The following AUTS2 variants were observed in gnomAD, a reference collection of about 807,000 sequenced individuals.
AUTS2 encodes the protein autism susceptibility gene 2 protein.
In AUTS2, 17 loss-of-function variants were observed where a neutral mutation model predicts 112.4. The ratio of observed to expected loss-of-function variants is 0.15; its 90% confidence interval spans 0.10 to 0.23. The LOEUF is 0.23. Among genes scored for constraint, AUTS2 ranks in the 10% least tolerant of loss-of-function variants. AUTS2 has a pLI of 1.00. For synonymous variants in AUTS2, 751 were observed against 702.7 expected, an observed-to-expected ratio of 1.07 and a Z score of -1.09; for missense variants, 1,510 against 1,701.6, an observed-to-expected ratio of 0.89 and a Z score of 1.98.
At chr7:70,343,249 C>A (rs1386752072) in intron 4 of AUTS2, among the ~76,000 whole-genome samples, 1 of 152,180 alleles carries the variant, frequency 6.6e-6, no homozygotes, top group Non-Finnish European at 1.5e-5. Context: ...AAGTTAACAA[C>A]CTGGACAGAC....
intron 5 of AUTS2, among the ~76,000 whole-genome samples, chr7:70,488,456 TTCTTTTTGGCATTTTC>T (rs1798105232): frequency 6.6e-6 from 1 of 152,124 alleles, no homozygotes; most frequent in African/African-American, 2.4e-5. Flanking sequence ...CATTTTCTGT[TTCTTTTTGGCATTTTC>T]TGTTTCTTTT....
chr7:70,037,453 A>G (rs1037991881), intron 2 of AUTS2, among the ~76,000 whole-genome samples: 2 of 152,340 alleles, frequency 1.3e-5, no homozygotes, highest in Admixed American at 1.3e-4. Context: ...GTTTTCCTAT[A>G]GTAACCTTTT....
At chr7:70,301,967 G>A (rs73434812) in intron 4 of AUTS2, among the ~76,000 whole-genome samples, 2,557 of 151,520 alleles carry the variant, frequency 0.017, 78 homozygotes, top group African/African-American at 0.057. Context: ...TTGTAGAGGC[G>A]CATTCTCGCC....
At chr7:70,716,699 C>A (rs1810394302) in intron 6 of AUTS2, among the ~76,000 whole-genome samples, 1 of 145,870 alleles carries the variant, frequency 6.9e-6, no homozygotes, top group Non-Finnish European at 1.5e-5. Context: ...AGCTTCTCAT[C>A]CAGCCTGACC....
chr7:70,510,838 T>TTTTA lies in AUTS2; in HGVS notation c.690+75077_690+75080dup, dbSNP rs532053942. Among the ~76,000 whole-genome samples, 378 of 151,974 alleles carry TTTTA rather than the reference T, an allele frequency of 2.5e-3. 1 individual carries two copies. Among genetic ancestry groups the TTTTA allele is most frequent in the Non-Finnish European group, 4.1e-3 (281 of 67,966 alleles). ...GTTTTCTCAGTTTTAATTTATTTATTTTTATTTATTTATTTATTTATTTTT... is the reference window on the plus strand; with the variant it reads ...GTTTTCTCAGTTTTAATTTATTTATTTTTATTTATTTATTTATTTATTTATTTTT... On this transcript the variant is annotated intron_variant, in intron 5 of 18. Transcript: ENST00000342771.
At chr7:70,785,500 T>G (rs751956945) in intron 16 of AUTS2, 5 of 467,062 alleles carry the variant, frequency 1.1e-5, no homozygotes, top group Admixed American at 7.0e-5. Context: ...CCTTTGTGTA[T>G]TCGATCCCAT....
intron 2 of AUTS2, among the ~76,000 whole-genome samples, chr7:69,987,164 G>GTGATT (rs1477906412): frequency 6.6e-6 from 1 of 152,210 alleles, no homozygotes; most frequent in African/African-American, 2.4e-5. Flanking sequence ...TTATAAAGGA[G>GTGATT]TGATTTGCTA....
chr7:70,170,320 T>G (rs1220536155), intron 4 of AUTS2, among the ~76,000 whole-genome samples: 1 of 151,784 alleles, frequency 6.6e-6, no homozygotes, highest in Non-Finnish European at 1.5e-5. Flanking sequence ...CCACCGCTAA[T>G]TTTTGTATTT....
At position 70,266,920 on chromosome 7, in the gene AUTS2, A is replaced by G. The variant is rs541242460; in HGVS notation, c.660+132349A>G. ...CATGTTGTGTTACCCGCTTTGGGCC[A>G]TGGCCCATTTGCCAGTTGCAGATTG... is the stretch of plus-strand genomic sequence containing the variant. On this transcript the variant is annotated intron_variant, in intron 4 of 18. Coordinates refer to ENST00000342771, the MANE Select transcript of AUTS2 (RefSeq NM_015570.4). Among the ~76,000 whole-genome samples the G allele has an allele frequency of 5.8e-4, 88 of 152,352 alleles. 1 individual carries two copies. The highest frequency in any genetic ancestry group is 1.1e-3 in the Non-Finnish European group (74 of 68,032).
At chr7:70,769,519 A>G (rs927686583) in intron 10 of AUTS2, among the ~76,000 whole-genome samples, 12 of 152,168 alleles carry the variant, frequency 7.9e-5, no homozygotes, top group Middle Eastern at 3.2e-3. Context: ...CCCCGTCTCT[A>G]CTAAAAATAC....
chr7:70,751,632 T>A (rs564943760), intron 6 of AUTS2, among the ~76,000 whole-genome samples: 3 of 152,314 alleles, frequency 2.0e-5, no homozygotes, highest in East Asian at 3.9e-4. Context: ...AATCCATACA[T>A]GTTTGTTTGA....
intron 1 of AUTS2, among the ~76,000 whole-genome samples, chr7:69,807,401 A>G (rs1261714852): frequency 6.6e-6 from 1 of 152,168 alleles, no homozygotes; most frequent in East Asian, 1.9e-4. Flanking sequence ...ATCTTAGTTT[A>G]TGTGGGTCAG....
chr7:70,563,004 G>C (rs1382614039), intron 5 of AUTS2, among the ~76,000 whole-genome samples: 1 of 152,170 alleles, frequency 6.6e-6, no homozygotes, highest in African/African-American at 2.4e-5. Context: ...GACTTACTTT[G>C]TGGGATCTTT....
intron 2 of AUTS2, among the ~76,000 whole-genome samples, chr7:70,108,206 G>A (rs1320217091): frequency 2.6e-5 from 4 of 151,900 alleles, no homozygotes; most frequent in Non-Finnish European, 2.9e-5. Flanking sequence ...AAATGAACTG[G>A]GATCAAAATA....
intron 2 of AUTS2, among the ~76,000 whole-genome samples, chr7:70,014,590 C>G (rs1263518316): frequency 2.0e-5 from 3 of 152,154 alleles, no homozygotes; most frequent in African/African-American, 7.2e-5. Context: ...CTCTTGCTCT[C>G]TGTGATTTTT....
chr7:69,648,454 T>TA (rs202026205), intron 1 of AUTS2, among the ~76,000 whole-genome samples: 14,472 of 141,224 alleles, frequency 0.1, 1,075 homozygotes, highest in African/African-American at 0.22. Flanking sequence ...TCAGTAACTT[T>TA]AAAAAAAAAA....
chr7:70,084,305 T>G (rs1433496159), intron 2 of AUTS2, among the ~76,000 whole-genome samples: 1 of 152,218 alleles, frequency 6.6e-6, no homozygotes, highest in Non-Finnish European at 1.5e-5. Context: ...TAGTGTGTGT[T>G]TATACATTGG....
At chr7:69,654,628 A>G (rs112797239) in intron 1 of AUTS2, among the ~76,000 whole-genome samples, 2 of 152,338 alleles carry the variant, frequency 1.3e-5, no homozygotes, top group African/African-American at 4.8e-5. Flanking sequence ...CAAACTAGGC[A>G]GCCCAGTTCC....
intron 4 of AUTS2, among the ~76,000 whole-genome samples, chr7:70,362,742 A>C (rs764094241): frequency 6.6e-6 from 1 of 152,060 alleles, no homozygotes; most frequent in Admixed American, 6.5e-5. Context: ...AACATTGTAC[A>C]TTCTAACATT....
Sources: gnomAD v4.1 joint callset for allele counts (sites outside exome capture counted in the v4.1 genomes callset) on GRCh38, gnomAD v4.1.1 for gene constraint, MANE v1.5 for transcripts, NCBI Gene and HGNC (gene_info 2026-07-23, HGNC 2026-07-21) for gene names.